PTGFR: variants seen among roughly 807,000 people sequenced by gnomAD.
PTGFR encodes the protein prostaglandin F receptor, also known as prostaglandin F2-alpha receptor.
A neutral mutation model predicts 26.2 loss-of-function variants in PTGFR; 15 were observed. The ratio of observed to expected loss-of-function variants is 0.57; its 90% CI spans 0.38 to 0.88. The LOEUF (loss-of-function observed/expected upper bound fraction) is 0.88, where lower values mean the gene tolerates loss of function less well. Ranked by LOEUF, PTGFR falls within the 40% of genes least tolerant of loss-of-function variation. PTGFR has a pLI of 0.00. For synonymous variants in PTGFR, 165 were observed against 151.1 expected (o/e 1.09, Z -0.68); for missense variants, 369 against 427.2 (o/e 0.86, Z 1.20).
chr1:78,529,789 T>C (rs1435611337), intron 2 of PTGFR, among the ~76,000 whole-genome samples: 2 of 152,138 alleles, frequency 1.3e-5, no homozygotes, highest in Admixed American at 1.3e-4. Context: ...GGCTGCACAG[T>C]AGGATGTGAG....
At chr1:78,533,289 A>G (rs1311762871) in intron 2 of PTGFR, among the ~76,000 whole-genome samples, 1 of 152,208 alleles carries the variant, frequency 6.6e-6, no homozygotes, top group Admixed American at 6.5e-5. Flanking sequence ...ATATTCTACA[A>G]CTCATACAGC....
At chr1:78,526,168 TAA>T (rs1201746074) in intron 2 of PTGFR, among the ~76,000 whole-genome samples, 1 of 152,076 alleles carries the variant, frequency 6.6e-6, no homozygotes, top group African/African-American at 2.4e-5. Context: ...TCACTGGGAC[TAA>T]AAAATTATTG....
chr1:78,510,035 C>G (rs556692124), intron 2 of PTGFR, among the ~76,000 whole-genome samples: 14 of 152,250 alleles, frequency 9.2e-5, no homozygotes, highest in African/African-American at 3.4e-4. Flanking sequence ...CCAAAGATTA[C>G]CTGCTAAATG....
chr1:78,522,840 A>G (rs1451946099), intron 2 of PTGFR, among the ~76,000 whole-genome samples: 2 of 152,112 alleles, frequency 1.3e-5, no homozygotes, highest in Non-Finnish European at 2.9e-5. Flanking sequence ...GGCTTTACTC[A>G]GGATAATTGA....
In PTGFR at chr1:78,532,390, A is replaced by ATATATATATATATG. The variant is rs1317673207; in HGVS notation, c.799-4009_799-4008insATATATGTATATAT. On this transcript the variant is annotated intron_variant, in intron 2 of 2. Coordinates refer to ENST00000370757, the MANE Select transcript of PTGFR (RefSeq NM_000959.4). ...TATATATATATATATATATATATAT[A>ATATATATATATATG]TATATATGTATATATGTGTATATAT... 2.9e-4 allele frequency: 38 copies of ATATATATATATATG among 132,068 alleles called. 2 individuals are homozygous for ATATATATATATATG. Among genetic ancestry groups the ATATATATATATATG allele is most frequent in the South Asian group, 8.9e-4 (3 of 3,358 alleles). 8.2% of individuals were successfully genotyped at this position (132,068 alleles called of 1,614,324 possible).
intron 2 of PTGFR, among the ~76,000 whole-genome samples, chr1:78,507,524 CA>C (rs1287472036): frequency 2.6e-5 from 4 of 152,040 alleles, no homozygotes; most frequent in African/African-American, 9.7e-5. Flanking sequence ...TTGGAAGTTC[CA>C]TAGGGATATA....
intron 2 of PTGFR, among the ~76,000 whole-genome samples, chr1:78,511,142 G>A (rs538038115): frequency 1.6e-4 from 25 of 152,280 alleles, no homozygotes; most frequent in Middle Eastern, 6.8e-3. Flanking sequence ...ACCATTCCAG[G>A]GTCTGGAGGA....
rs57510012 is a variant in PTGFR at position 78,505,052 on chromosome 1, A to G, written c.798+11511A>G. On this transcript the variant is annotated intron_variant, in intron 2 of 2. Transcript: ENST00000370757. ...TATCAAAGTCGTGTTTTGAATAAAA[A>G]TTTTGTAACTTTCCTCATAATAGTG... Among the ~76,000 whole-genome samples the G allele has an allele frequency of 2.0e-5, 3 of 151,604 alleles. No individual in the cohort carries two copies. In the South Asian group the frequency reaches 6.3e-4, roughly 32 times the overall value.
Position 78,493,419 on chromosome 1 carries a change from A to G in PTGFR, c.676A>G (p.Thr226Ala), listed in dbSNP as rs1649466432. The G allele has an allele frequency of 1.2e-6, 2 of 1,613,442 alleles. No individual in the cohort carries two copies. Among genetic ancestry groups the G allele is most frequent in the Non-Finnish European group, 1.7e-6 (2 of 1,179,598 alleles). Residue 226 changes from threonine (T) to alanine (A), a missense_variant, in exon 2 of 3, where the codon ACA (threonine) becomes GCA (alanine). Transcript: ENST00000370757. Reference sequence around the variant, plus strand: ...GTTGTGCAATGCAATCACAGGAATTACACTTTTAAGAGTTAAATTTAAAAG... The same window carrying G: ...GTTGTGCAATGCAATCACAGGAATTGCACTTTTAAGAGTTAAATTTAAAAG... ...SLLCNAITGI[T>A]LLRVKFKSQQ... is the part of the protein sequence containing the mutation.
In PTGFR at chr1:78,537,965, T is replaced by C. The variant is rs1038175341; in HGVS notation, c.*1278T>C. On this transcript the variant is annotated 3_prime_UTR_variant, in exon 3 of 3. Transcript: ENST00000370757. ...GAAATTAGGGAAGGTAGTCCTGCTT[T>C]ATAATAGGAAAATGTATTTCTGTAT... The C allele has an allele frequency of 1.3e-5, 2 of 152,160 alleles. No individual in the cohort carries two copies. Among genetic ancestry groups the C allele is most frequent in the African/African-American group, 4.8e-5 (2 of 41,454 alleles). The allele number at this position is 152,160 out of a possible 1,614,324, so 9.4% of individuals were successfully genotyped here.
intron 2 of PTGFR, among the ~76,000 whole-genome samples, chr1:78,513,134 A>G (rs960618744): frequency 7.2e-5 from 11 of 152,214 alleles, no homozygotes; most frequent in Non-Finnish European, 1.2e-4. Context: ...GAGTGTTGCT[A>G]TAAAGATCCC....
intron 2 of PTGFR, among the ~76,000 whole-genome samples, chr1:78,535,326 G>A (rs780432740): frequency 6.6e-5 from 10 of 152,132 alleles, no homozygotes; most frequent in Non-Finnish European, 1.0e-4. Context: ...GACTTCAGAT[G>A]CATCATCAAG....
chr1:78,513,262 A>G (rs923914922), intron 2 of PTGFR, among the ~76,000 whole-genome samples: 19 of 152,150 alleles, frequency 1.2e-4, no homozygotes, highest in Admixed American at 1.2e-3. Flanking sequence ...GACTGATTAC[A>G]TGGTTGTGAC....
chr1:78,497,900 A>T, intron 2 of PTGFR: 1 of 1,594,168 alleles, frequency 6.3e-7, no homozygotes, highest in Non-Finnish European at 8.6e-7. Flanking sequence ...TGAATGGGAA[A>T]GAGAAATATA....
intron 2 of PTGFR, among the ~76,000 whole-genome samples, chr1:78,506,099 G>T (rs532937344): frequency 9.2e-5 from 14 of 152,136 alleles, no homozygotes; most frequent in African/African-American, 3.4e-4. Context: ...AACTTCTTGA[G>T]AAACCACCAA....
intron 2 of PTGFR, among the ~76,000 whole-genome samples, chr1:78,513,683 T>TAA (rs1650025476): frequency 6.6e-6 from 1 of 152,176 alleles, no homozygotes; most frequent in South Asian, 2.1e-4. Flanking sequence ...TTAGCGTGAC[T>TAA]AAAAAGTAGC....
At chr1:78,535,946 C>T (rs1030748857) in intron 2 of PTGFR, among the ~76,000 whole-genome samples, 1 of 152,116 alleles carries the variant, frequency 6.6e-6, no homozygotes. Context: ...AGCAGAAAAT[C>T]TCAGAGTAAA....
At chr1:78,529,400 C>A (rs1256108833) in intron 2 of PTGFR, among the ~76,000 whole-genome samples, 2 of 151,956 alleles carry the variant, frequency 1.3e-5, no homozygotes, top group African/African-American at 4.8e-5. Context: ...ATGAAAATGT[C>A]TTATGCATCT....
chr1:78,499,625 T>C (rs753864146), intron 2 of PTGFR, among the ~76,000 whole-genome samples: 3 of 152,138 alleles, frequency 2.0e-5, no homozygotes, highest in Non-Finnish European at 4.4e-5. Flanking sequence ...GCTGGAGAGG[T>C]CTGAGAGGGA....
Sources: allele counts gnomAD v4.1 joint callset (sites outside exome capture counted in the v4.1 genomes callset), GRCh38; gene constraint gnomAD v4.1.1; transcripts MANE v1.5; gene names NCBI Gene and HGNC (gene_info 2026-07-23, HGNC 2026-07-21).